Variants in NLGN1 observed in about 807,000 individuals in gnomAD.
NLGN1 encodes neuroligin-1.
NLGN1 carries 12 observed loss-of-function variants against 65.5 expected under a neutral mutation model. The observed-to-expected ratio is 0.18, with a 90% CI of 0.12 to 0.30. The LOEUF is 0.30. NLGN1 is among the 10% of genes least tolerant of loss of function. NLGN1 has a pLI of 1.00. For synonymous variants in NLGN1, 350 were observed against 359.5 expected, an observed-to-expected ratio of 0.97 and a Z score of 0.30; for missense variants, 750 against 1,007.1, an observed-to-expected ratio of 0.74 and a Z score of 3.46.
At chr3:174,180,270 G>T (rs1458949843) in intron 4 of NLGN1, among the ~76,000 whole-genome samples, 1 of 152,056 alleles carries the variant, frequency 6.6e-6, no homozygotes, top group Non-Finnish European at 1.5e-5. Context: ...AAAAACAAAT[G>T]GCCAGTAATT....
chr3:173,747,715 G>T (rs933727744), intron 3 of NLGN1, among the ~76,000 whole-genome samples: 1 of 143,798 alleles, frequency 7.0e-6, no homozygotes, highest in Non-Finnish European at 1.5e-5. Flanking sequence ...TGAAAGTCTT[G>T]TTCATTTAGG....
At chr3:173,434,030 C>T (rs1475207575) in intron 1 of NLGN1, among the ~76,000 whole-genome samples, 1 of 152,070 alleles carries the variant, frequency 6.6e-6, no homozygotes, top group African/African-American at 2.4e-5. Flanking sequence ...AGCTTAGATT[C>T]TTTTCTTCCA....
At chr3:174,190,281 G>A (rs1169489019) in intron 4 of NLGN1, among the ~76,000 whole-genome samples, 1 of 151,772 alleles carries the variant, frequency 6.6e-6, no homozygotes, top group Non-Finnish European at 1.5e-5. Context: ...CAGAGGTTTA[G>A]ATAATTTGAA....
chr3:173,427,589 G>A (rs1716359750), intron 1 of NLGN1, among the ~76,000 whole-genome samples: 1 of 151,844 alleles, frequency 6.6e-6, no homozygotes, highest in Non-Finnish European at 1.5e-5. Context: ...TCAAGGCCAT[G>A]TTGTTTAATT....
At chr3:173,845,547 G>T (rs1725571530) in intron 4 of NLGN1, among the ~76,000 whole-genome samples, 1 of 151,970 alleles carries the variant, frequency 6.6e-6, no homozygotes, top group African/African-American at 2.4e-5. Flanking sequence ...TTTTACTTAA[G>T]ATAGATGGAT....
At chr3:174,124,638 T>C (rs1718535967) in intron 4 of NLGN1, among the ~76,000 whole-genome samples, 1 of 142,082 alleles carries the variant, frequency 7.0e-6, no homozygotes, top group African/African-American at 2.7e-5. Context: ...TATACGTATA[T>C]ATATAAGTAC....
intron 4 of NLGN1, among the ~76,000 whole-genome samples, chr3:174,061,478 G>A (rs182448518): frequency 3.3e-5 from 5 of 152,222 alleles, no homozygotes; most frequent in African/African-American, 1.2e-4. Flanking sequence ...GAGGGATAAA[G>A]CATGTCAGCT....
At chr3:174,009,949 C>T (rs963147403) in intron 4 of NLGN1, among the ~76,000 whole-genome samples, 1 of 152,008 alleles carries the variant, frequency 6.6e-6, no homozygotes, top group South Asian at 2.1e-4. Flanking sequence ...GGTGATGCTA[C>T]GTGAAGAGCA....
chr3:173,909,319 T>C (rs1160722036), intron 4 of NLGN1, among the ~76,000 whole-genome samples: 1 of 152,124 alleles, frequency 6.6e-6, no homozygotes, highest in Non-Finnish European at 1.5e-5. Context: ...TTTTTTATGA[T>C]AAATTTTCCC....
chr3:173,606,894 T>C (rs1751488670), intron 3 of NLGN1, among the ~76,000 whole-genome samples: 1 of 151,986 alleles, frequency 6.6e-6, no homozygotes, highest in African/African-American at 2.4e-5. Flanking sequence ...ATAACTGCAG[T>C]AATTTACATA....
intron 2 of NLGN1, among the ~76,000 whole-genome samples, chr3:173,490,653 A>G (rs1037453089): frequency 3.3e-5 from 5 of 152,004 alleles, no homozygotes; most frequent in South Asian, 2.1e-4. Flanking sequence ...AGCTTGATGG[A>G]GATGGCATTG....
In NLGN1 at chr3:173,575,991, T is replaced by C. The variant is rs531747474; in HGVS notation, c.-320-28288T>C. Among the ~76,000 whole-genome samples, 5 of 152,256 alleles carry C rather than the reference T, an allele frequency of 3.3e-5. No homozygotes were observed. The South Asian group carries it at 6.2e-4, about 19-fold the overall frequency. Reference sequence around the variant, plus strand: ...TCCTTTATGGTAGTCACTAGCCTTATGTGGCCATTGAGCTATTGAAAAGGA... The same window carrying C: ...TCCTTTATGGTAGTCACTAGCCTTACGTGGCCATTGAGCTATTGAAAAGGA... On this transcript the variant is annotated intron_variant, in intron 2 of 6. Coordinates refer to ENST00000457714, the Ensembl canonical transcript of NLGN1.
intron 2 of NLGN1, among the ~76,000 whole-genome samples, chr3:173,467,023 A>G (rs1489614701): frequency 6.6e-6 from 1 of 152,160 alleles, no homozygotes; most frequent in East Asian, 1.9e-4. Flanking sequence ...TAACATTTGA[A>G]AATAAACACA....
At chr3:173,806,086 T>G (rs1301185464) in intron 3 of NLGN1, among the ~76,000 whole-genome samples, 1 of 152,146 alleles carries the variant, frequency 6.6e-6, no homozygotes, top group Non-Finnish European at 1.5e-5. Flanking sequence ...CTTTGGGGAA[T>G]TAGAGGGGTA....
At chr3:173,430,280 A>G (rs569105878) in intron 1 of NLGN1, among the ~76,000 whole-genome samples, 30 of 152,126 alleles carry the variant, frequency 2.0e-4, no homozygotes, top group African/African-American at 6.5e-4. Flanking sequence ...TAGTTCTGGG[A>G]TGTCCCTGGT....
chr3:173,849,074 A>G (rs1264253826), intron 4 of NLGN1, among the ~76,000 whole-genome samples: 4 of 152,020 alleles, frequency 2.6e-5, no homozygotes, highest in Admixed American at 2.6e-4. Flanking sequence ...CTCATTGTCA[A>G]TTTTCCTTGG....
chr3:174,011,223 A>C (rs962904234), intron 4 of NLGN1, among the ~76,000 whole-genome samples: 2 of 152,128 alleles, frequency 1.3e-5, no homozygotes, highest in African/African-American at 4.8e-5. Flanking sequence ...TTTCAGTATT[A>C]ATCTATGTCC....
chr3:173,977,704 A>G (rs1717826347), intron 4 of NLGN1, among the ~76,000 whole-genome samples: 1 of 152,060 alleles, frequency 6.6e-6, no homozygotes, highest in African/African-American at 2.4e-5. Flanking sequence ...AAAATCGTGC[A>G]TTCATTTTGG....
chr3:173,830,240 A>G (rs1480267169), intron 4 of NLGN1, among the ~76,000 whole-genome samples: 24 of 152,180 alleles, frequency 1.6e-4, no homozygotes, highest in Non-Finnish European at 3.4e-4. Context: ...GTCATAACTT[A>G]TGACATTCAA....
Sources: allele counts gnomAD v4.1 joint callset (sites outside exome capture counted in the v4.1 genomes callset), GRCh38; gene constraint gnomAD v4.1.1; transcripts MANE v1.5; gene names NCBI Gene and HGNC (gene_info 2026-07-23, HGNC 2026-07-21).